The following COL10A1 variants were observed in gnomAD, a reference collection of about 807,000 sequenced individuals.
COL10A1 encodes collagen alpha-1(X) chain.
Under a neutral mutation model 18.2 loss-of-function variants are expected in COL10A1, and 10 were observed. The ratio of observed to expected loss-of-function variants is 0.55; its 90% CI spans 0.34 to 0.93. The LOEUF (loss-of-function observed/expected upper bound fraction) is 0.93. COL10A1 is among the 40% of genes least tolerant of loss of function. The pLI is 0.02. For synonymous variants in COL10A1, 330 were observed against 316.6 expected (o/e 1.04, Z -0.45); for missense variants, 897 against 853.5 (o/e 1.05, Z -0.64).
At chr6:116,160,736 TATA>T (rs1315167788), upstream of COL10A1, among the ~76,000 whole-genome samples, 9 of 152,180 alleles carry the variant, frequency 5.9e-5, no homozygotes, top group Admixed American at 2.6e-4. Context: ...TTTCTTCTAG[TATA>T]ATATTTATAG....
upstream of COL10A1, among the ~76,000 whole-genome samples, chr6:116,127,964 C>A (rs115426584): frequency 3.3e-3 from 509 of 152,126 alleles, no homozygotes; most frequent in African/African-American, 0.011. Flanking sequence ...AAAGTTTGGA[C>A]TAGGTGGTTT....
At chr6:116,153,447 T>TG (rs1780103437) in intron 1 of COL10A1, among the ~76,000 whole-genome samples, 1 of 152,160 alleles carries the variant, frequency 6.6e-6, no homozygotes, top group African/African-American at 2.4e-5. Context: ...ATAGAGTCTC[T>TG]ATTCCACTGG....
At chr6:116,170,680 A>C in the COL10A1 span, among the ~76,000 whole-genome samples, 1 of 152,248 alleles carries the variant, frequency 6.6e-6, no homozygotes, top group South Asian at 2.1e-4. Context: ...TAGCATACAT[A>C]GCCCTGGCTG....
At chr6:116,151,070 A>T (rs1210217120) in intron 1 of COL10A1, among the ~76,000 whole-genome samples, 2 of 152,076 alleles carry the variant, frequency 1.3e-5, no homozygotes, top group Non-Finnish European at 2.9e-5. Flanking sequence ...CTGAGTTTTT[A>T]TTTTTTTGTG....
At chr6:116,151,070 A>AT (rs1310758779) in intron 1 of COL10A1, among the ~76,000 whole-genome samples, 4 of 152,076 alleles carry the variant, frequency 2.6e-5, no homozygotes, top group Non-Finnish European at 5.9e-5. Context: ...CTGAGTTTTT[A>AT]TTTTTTTGTG....
intron 1 of COL10A1, among the ~76,000 whole-genome samples, chr6:116,140,022 A>T (rs1779725517): frequency 6.6e-6 from 1 of 152,156 alleles, no homozygotes; most frequent in South Asian, 2.1e-4. Flanking sequence ...GATAGATATT[A>T]CCACTGTTAT....
the COL10A1 span, among the ~76,000 whole-genome samples, chr6:116,178,078 T>C: frequency 3.6e-5 from 4 of 111,310 alleles, no homozygotes; most frequent in African/African-American, 1.7e-4. Flanking sequence ...TGTGTGTGTG[T>C]GTGTGTGTGT....
At chr6:116,146,647 T>C (rs1779904557) in intron 1 of COL10A1, among the ~76,000 whole-genome samples, 1 of 152,202 alleles carries the variant, frequency 6.6e-6, no homozygotes, top group Admixed American at 6.5e-5. Flanking sequence ...TTTCCTATAG[T>C]TATGTTATAA....
At chr6:116,188,844 G>C in the COL10A1 span, among the ~76,000 whole-genome samples, 14 of 151,862 alleles carry the variant, frequency 9.2e-5, no homozygotes, top group Non-Finnish European at 1.6e-4. Context: ...TCTGATTTAA[G>C]GAGAGAAGGC....
chr6:116,215,368 C>T, the COL10A1 span, among the ~76,000 whole-genome samples: 3 of 152,084 alleles, frequency 2.0e-5, no homozygotes, highest in Admixed American at 1.3e-4. Context: ...TGACTGTAAG[C>T]TCTATATTTT....
In COL10A1 at chr6:116,121,231, AGGCCCTGGG is replaced by A; in HGVS notation, c.876_884del (p.Pro295_Gly297del). On this transcript the variant is annotated inframe_deletion, in exon 3 of 3. Coordinates refer to ENST00000651968, the MANE Select transcript of COL10A1 (RefSeq NM_000493.4). ...GCAAGCCTGGTTTCCCAAAGCCAGG[AGGCCCTGGG>A]GGCCCAGCTATTCCTGGAGCCCCAG... is the stretch of plus-strand genomic sequence containing the variant. 9 of 1,613,596 alleles carry A rather than the reference AGGCCCTGGG, an allele frequency of 5.6e-6. No homozygotes were observed. The highest frequency in any genetic ancestry group is 7.6e-6 in the Non-Finnish European group (9 of 1,179,800).
chr6:116,167,044 C>T, the COL10A1 span, among the ~76,000 whole-genome samples: 2 of 151,752 alleles, frequency 1.3e-5, no homozygotes, highest in African/African-American at 4.8e-5. Flanking sequence ...AATTTTTGCC[C>T]CCAAGAAAAT....
At chr6:116,154,732 ATTCT>A (rs1175182968) in intron 1 of COL10A1, among the ~76,000 whole-genome samples, 2 of 152,152 alleles carry the variant, frequency 1.3e-5, no homozygotes, top group Non-Finnish European at 2.9e-5. Flanking sequence ...TTTCTCATTC[ATTCT>A]ATTTTATTTC....
At chr6:116,141,992 C>T (rs1051964874) in intron 1 of COL10A1, among the ~76,000 whole-genome samples, 2 of 151,172 alleles carry the variant, frequency 1.3e-5, no homozygotes, top group African/African-American at 2.4e-5. Context: ...AAAATTTTGA[C>T]AAAGTTACTT....
the COL10A1 span, among the ~76,000 whole-genome samples, chr6:116,198,324 A>AT: frequency 6.6e-6 from 1 of 152,098 alleles, no homozygotes; most frequent in Non-Finnish European, 1.5e-5. Flanking sequence ...GATGGCTTAT[A>AT]TGGAGATAGG....
upstream of COL10A1, among the ~76,000 whole-genome samples, chr6:116,162,504 G>A (rs1780358305): frequency 6.6e-6 from 1 of 152,118 alleles, no homozygotes; most frequent in Non-Finnish European, 1.5e-5. Context: ...GGATTTTATT[G>A]CATGTTTTTT....
At chr6:116,208,186 A>G in the COL10A1 span, among the ~76,000 whole-genome samples, 2 of 152,068 alleles carry the variant, frequency 1.3e-5, no homozygotes, top group African/African-American at 4.8e-5. Context: ...AGAGAAGTCA[A>G]CTGTAACTTT....
At chr6:116,136,338 T>A (rs1211963914) in intron 1 of COL10A1, among the ~76,000 whole-genome samples, 1 of 152,066 alleles carries the variant, frequency 6.6e-6, no homozygotes, top group Non-Finnish European at 1.5e-5. Context: ...CTTTTTTTTT[T>A]AAAGGACAAG....
chr6:116,160,796 T>G (rs981202500), upstream of COL10A1, among the ~76,000 whole-genome samples: 6 of 152,194 alleles, frequency 3.9e-5, no homozygotes, highest in African/African-American at 1.4e-4. Flanking sequence ...AGTTAATTTT[T>G]GTATATGGTA....
Sources: gnomAD v4.1 joint callset for allele counts (sites outside exome capture counted in the v4.1 genomes callset) on GRCh38, gnomAD v4.1.1 for gene constraint, MANE v1.5 for transcripts, NCBI Gene and HGNC (gene_info 2026-07-23, HGNC 2026-07-21) for gene names.